CD2: variants seen among roughly 807,000 people sequenced by gnomAD.
The protein encoded by CD2 is CD2 molecule, also known as T-cell surface antigen CD2.
Under a neutral mutation model 23.2 loss-of-function variants are expected in CD2, and 18 were observed. The ratio of observed to expected loss-of-function variants is 0.77; its 90% CI spans 0.54 to 1.15. The LOEUF (loss-of-function observed/expected upper bound fraction) is 1.15, where lower values mean the gene tolerates loss of function less well. CD2 is among the 50% of genes most tolerant of loss of function. The probability of loss-of-function intolerance (pLI) is 0.00; values close to 1 mark genes in which losing one functional copy is unlikely to be tolerated. For missense variants in CD2, 424 were observed against 423.1 expected (o/e 1.00, Z -0.02); for synonymous variants, 162 against 151.9 (o/e 1.07, Z -0.49).
chr1:116,764,432 G>C, intron 3 of CD2, 52 bp from the exon 4 acceptor site: 3 of 1,595,822 alleles, frequency 1.9e-6, no homozygotes, highest in Non-Finnish European at 2.6e-6. Flanking sequence ...CCAGAGTAAT[G>C]GGCTCTCTGC....
At chr1:116,758,870 C>T (rs1651945563) in intron 2 of CD2, among the ~76,000 whole-genome samples, 1 of 152,182 alleles carries the variant, frequency 6.6e-6, no homozygotes, top group South Asian at 2.1e-4. Flanking sequence ...TCAGAAGCAG[C>T]TTGTCCAAGG....
intron 2 of CD2, among the ~76,000 whole-genome samples, chr1:116,759,260 C>T (rs545924446): frequency 2.6e-5 from 4 of 152,048 alleles, no homozygotes; most frequent in South Asian, 2.1e-4. Flanking sequence ...CTATATATAT[C>T]GGGACATAAA....
chr1:116,759,106 T>C (rs912447813), intron 2 of CD2, among the ~76,000 whole-genome samples: 2 of 152,244 alleles, frequency 1.3e-5, no homozygotes, highest in African/African-American at 4.8e-5. Flanking sequence ...ATTTCCATTC[T>C]GAAGAGACGG....
intron 2 of CD2, among the ~76,000 whole-genome samples, chr1:116,758,819 GTTA>G (rs774468043): frequency 2.3e-4 from 35 of 152,140 alleles, no homozygotes; most frequent in Non-Finnish European, 4.3e-4. Context: ...AGACCTAGTT[GTTA>G]TTATCTCCTT....
At chr1:116,767,799 A>G (rs1482802444) in intron 4 of CD2, among the ~76,000 whole-genome samples, 1 of 152,136 alleles carries the variant, frequency 6.6e-6, no homozygotes, top group East Asian at 1.9e-4. Flanking sequence ...TTAAGAGTAC[A>G]GGAAAAACTA....
At chr1:116,760,687 A>C in intron 3 of CD2, 55 bp downstream of exon 3, 1 of 1,363,632 alleles carries the variant, frequency 7.3e-7, no homozygotes, top group Admixed American at 1.8e-5. Context: ...CAGTAGGCAG[A>C]GGCATGCTGC....
chr1:116,754,738 A>G lies in CD2; in HGVS notation c.169A>G (p.Ile57Val), dbSNP rs769613740. ...SFQMSDDIDD[I>V]KWEKTSDKKK... ...TCAAATGAGTGATGATATTGACGAT[A>G]TAAAATGGGAAAAAACTTCAGACAA... The change falls in exon 2 of 5, where the codon ATA (isoleucine) becomes GTA (valine). Residue 57 changes from isoleucine (I) to valine (V), a missense_variant. Coordinates refer to ENST00000369478, the MANE Select transcript of CD2 (RefSeq NM_001767.5). 3.7e-6 allele frequency: 6 copies of G among 1,613,622 alleles called. No homozygotes were observed. Among genetic ancestry groups the G allele is most frequent in the African/African-American group, 1.3e-5 (1 of 74,902 alleles).
At chr1:116,761,822 C>A (rs908012148) in intron 3 of CD2, among the ~76,000 whole-genome samples, 1 of 152,092 alleles carries the variant, frequency 6.6e-6, no homozygotes, top group Non-Finnish European at 1.5e-5. Context: ...AGTGAAGTTG[C>A]CTCTCCTTGA....
chr1:116,760,342 A>G (rs1652003961), intron 2 of CD2, 60 bp from the exon 3 acceptor site: 3 of 1,341,480 alleles, frequency 2.2e-6, no homozygotes, highest in Non-Finnish European at 2.1e-6. Flanking sequence ...GTATAAATAG[A>G]TATGTTTATT....
chr1:116,757,581 CTTAT>C (rs1651898037), intron 2 of CD2, among the ~76,000 whole-genome samples: 1 of 152,096 alleles, frequency 6.6e-6, no homozygotes, highest in African/African-American at 2.4e-5. Context: ...CAGTTAGAAA[CTTAT>C]TAATCAGTTA....
Position 116,754,743 on chromosome 1 carries a change from A to G in CD2, c.174A>G (p.Lys58=), listed in dbSNP as rs1172651131. The change falls in exon 2 of 5, where the codon AAA becomes AAG. Residue 58 remains lysine (K), a synonymous_variant. Coordinates refer to ENST00000369478, the MANE Select transcript of CD2 (RefSeq NM_001767.5). ...TGAGTGATGATATTGACGATATAAAATGGGAAAAAACTTCAGACAAGAAAA... is the reference window on the plus strand; with the variant it reads ...TGAGTGATGATATTGACGATATAAAGTGGGAAAAAACTTCAGACAAGAAAA... ...FQMSDDIDDI[K]WEKTSDKKKI... is the part of the protein sequence containing the mutation. 4 of 1,613,832 alleles carry G rather than the reference A, an allele frequency of 2.5e-6. No individual in the cohort carries two copies. Among genetic ancestry groups the G allele is most frequent in the Non-Finnish European group, 2.5e-6 (3 of 1,179,886 alleles).
chr1:116,768,376 G>A (rs1032607030), intron 4 of CD2, 88 bp from the exon 5 acceptor site: 1 of 1,267,328 alleles, frequency 7.9e-7, no homozygotes, highest in Non-Finnish European at 1.1e-6. Context: ...AAAGCAGCTA[G>A]CATGGCGCCT....
At position 116,754,931 on chromosome 1, in the gene CD2, TATTTG is replaced by T; in HGVS notation, c.369_373del (p.Asp123GlufsTer23). ...AAAGGAAAAAATGTGTTGGAAAAAA[TATTTG>T]ATTTGAAGATTCAAGGTAAGTGTTC... On this transcript the variant is annotated frameshift_variant, in exon 2 of 5. Transcript: ENST00000369478. LOFTEE classifies it high-confidence loss of function. The T allele has an allele frequency of 6.3e-7, 1 of 1,594,176 alleles. No homozygotes were observed. Among genetic ancestry groups the T allele is most frequent in the South Asian group, 1.1e-5 (1 of 87,370 alleles).
intron 3 of CD2, among the ~76,000 whole-genome samples, chr1:116,761,821 G>A (rs1398848153): frequency 1.3e-5 from 2 of 152,104 alleles, no homozygotes; most frequent in African/African-American, 4.8e-5. Context: ...AAGTGAAGTT[G>A]CCTCTCCTTG....
intron 3 of CD2, among the ~76,000 whole-genome samples, chr1:116,762,773 C>T (rs1652097373): frequency 6.6e-6 from 1 of 152,210 alleles, no homozygotes. Context: ...GACAGTGCCA[C>T]CGCTGCTTCT....
intron 4 of CD2, among the ~76,000 whole-genome samples, chr1:116,767,229 C>T (rs949245820): frequency 6.6e-6 from 1 of 152,114 alleles, no homozygotes; most frequent in Non-Finnish European, 1.5e-5. Flanking sequence ...AATCAACATC[C>T]GGAAGTTACA....
Position 116,754,747 on chromosome 1 carries a change from GA to G in CD2, c.184del (p.Thr62LeufsTer31), listed in dbSNP as rs750577393. 1.2e-6 allele frequency: 2 copies of G among 1,613,606 alleles called. No homozygotes were observed. The highest frequency in any genetic ancestry group is 1.7e-5 in the Admixed American group (1 of 59,940). On this transcript the variant is annotated frameshift_variant, in exon 2 of 5. Transcript: ENST00000369478. LOFTEE classifies it high-confidence loss of function. ...TGATGATATTGACGATATAAAATGG[GA>G]AAAAACTTCAGACAAGAAAAAGATT... ...MSDDIDDIKW[E>X]KTSDKKKIAQ... is the part of the protein sequence containing the mutation.
At chr1:116,766,026 G>T (rs1025845871) in intron 4 of CD2, among the ~76,000 whole-genome samples, 7 of 152,262 alleles carry the variant, frequency 4.6e-5, no homozygotes, top group African/African-American at 1.7e-4. Flanking sequence ...CCTAGGCCGA[G>T]GCAAGGAGCC....
At chr1:116,766,450 C>A (rs764681367) in intron 4 of CD2, among the ~76,000 whole-genome samples, 2 of 152,180 alleles carry the variant, frequency 1.3e-5, no homozygotes, top group Admixed American at 1.3e-4. Context: ...ATTTTCAGTT[C>A]TTGTTTGCCT....
Sources: gnomAD v4.1 joint callset for allele counts (sites outside exome capture counted in the v4.1 genomes callset) on GRCh38, gnomAD v4.1.1 for gene constraint, MANE v1.5 for transcripts, NCBI Gene and HGNC (gene_info 2026-07-23, HGNC 2026-07-21) for gene names.